The following ADAMTSL1 variants were observed in gnomAD, a reference collection of about 807,000 sequenced individuals.
The protein encoded by ADAMTSL1 is ADAMTS like 1, also known as ADAMTS-like protein 1.
In ADAMTSL1, 126 loss-of-function variants were observed where a neutral mutation model predicts 201.8. The ratio of observed to expected loss-of-function variants is 0.62; its 90% confidence interval spans 0.54 to 0.72. The LOEUF is 0.72. Among genes scored for constraint, ADAMTSL1 ranks in the 30% least tolerant of loss-of-function variants. The pLI, the probability that ADAMTSL1 is intolerant of heterozygous loss-of-function variation, is 0.00. For synonymous variants in ADAMTSL1, 1,121 were observed against 903.4 expected, an observed-to-expected ratio of 1.24 and a Z score of -4.32; for missense variants, 2,679 against 2,277.8, an observed-to-expected ratio of 1.18 and a Z score of -3.59.
chr9:18,582,466 G>T (rs574287123), intron 4 of ADAMTSL1, among the ~76,000 whole-genome samples: 1 of 152,300 alleles, frequency 6.6e-6, no homozygotes, highest in Non-Finnish European at 1.5e-5. Context: ...GAGGAACCCG[G>T]TGGGAGGCGA....
At chr9:18,543,072 A>G (rs1233979466) in intron 3 of ADAMTSL1, among the ~76,000 whole-genome samples, 1 of 152,204 alleles carries the variant, frequency 6.6e-6, no homozygotes, top group East Asian at 1.9e-4. Context: ...GGCAACTATC[A>G]TGGCTTGGCT....
At chr9:18,709,867 A>G (rs1460393320) in intron 14 of ADAMTSL1, among the ~76,000 whole-genome samples, 1 of 152,220 alleles carries the variant, frequency 6.6e-6, no homozygotes, top group Non-Finnish European at 1.5e-5. Context: ...ATGGAAGATG[A>G]AGCCTTGTAC....
chr9:18,102,376 G>C (rs142303726), intron 1 of ADAMTSL1, among the ~76,000 whole-genome samples: 404 of 152,180 alleles, frequency 2.7e-3, no homozygotes, highest in African/African-American at 9.4e-3. Context: ...CAATGCCTGA[G>C]AAACAGACAT....
At position 18,254,698 on chromosome 9, in the gene ADAMTSL1, A is replaced by C. The variant is rs1031463418; in HGVS notation, c.207+90717A>C. On this transcript the variant is annotated intron_variant, in intron 2 of 29. Coordinates refer to the ADAMTSL1 transcript ENST00000680146. ...CCCAGTACTCTTAAATACACTTTGCAGTAAGGAGAAAGTGTGGGAAGAAGA... is the reference window on the plus strand; with the variant it reads ...CCCAGTACTCTTAAATACACTTTGCCGTAAGGAGAAAGTGTGGGAAGAAGA... 8.8e-5 allele frequency among the ~76,000 whole-genome samples: 11 copies of C among 125,176 alleles called. No individual in the cohort carries two copies. In the East Asian group the frequency reaches 2.4e-3, roughly 28 times the overall value. 82.1% of individuals were successfully genotyped at this position (125,176 alleles called of 152,430 possible). A position where few individuals can be genotyped will look rare whatever the true frequency, so the allele number is the denominator to read the frequency against.
intron 23 of ADAMTSL1, among the ~76,000 whole-genome samples, chr9:18,842,901 A>C (rs1379885740): frequency 1.3e-5 from 2 of 151,922 alleles, no homozygotes; most frequent in Non-Finnish European, 2.9e-5. Context: ...ATCTTCCTCC[A>C]TCCTTTTATT....
chr9:18,880,822 T>C (rs1828480702), intron 23 of ADAMTSL1, among the ~76,000 whole-genome samples: 1 of 152,266 alleles, frequency 6.6e-6, no homozygotes, highest in African/African-American at 2.4e-5. Context: ...AGCTCCTAGA[T>C]AGCATCTTCT....
chr9:17,933,146 C>T (rs1249440386), intron 1 of ADAMTSL1, among the ~76,000 whole-genome samples: 1 of 152,160 alleles, frequency 6.6e-6, no homozygotes, highest in Non-Finnish European at 1.5e-5. Context: ...AAGGTTTCAG[C>T]AGATGCCATG....
chr9:18,278,721 G>A (rs2132617070), intron 2 of ADAMTSL1, among the ~76,000 whole-genome samples: 1 of 152,218 alleles, frequency 6.6e-6, no homozygotes, highest in Non-Finnish European at 1.5e-5. Context: ...GATATTTTCT[G>A]TCATTATTTC....
At chr9:18,710,690 T>TTTTTC (rs58475847) in intron 14 of ADAMTSL1, among the ~76,000 whole-genome samples, 1 of 144,140 alleles carries the variant, frequency 6.9e-6, no homozygotes, top group Non-Finnish European at 1.5e-5. Context: ...TTTTTTTTTT[T>TTTTTC]ACAAAATTGA....
At chr9:18,645,887 C>T (rs1233165411) in intron 7 of ADAMTSL1, among the ~76,000 whole-genome samples, 1 of 135,994 alleles carries the variant, frequency 7.4e-6, no homozygotes, top group Non-Finnish European at 1.6e-5. Context: ...TTTTTGGTTC[C>T]ATATGAACTT....
intron 2 of ADAMTSL1, among the ~76,000 whole-genome samples, chr9:18,268,517 GAC>G (rs1832228011): frequency 6.6e-6 from 1 of 152,144 alleles, no homozygotes; most frequent in Non-Finnish European, 1.5e-5. Flanking sequence ...TGAAAACTAT[GAC>G]ACATGTGTGA....
At chr9:18,685,804 A>G (rs903446279) in intron 13 of ADAMTSL1, among the ~76,000 whole-genome samples, 2 of 152,264 alleles carry the variant, frequency 1.3e-5, no homozygotes, top group Admixed American at 1.3e-4. Context: ...TGAGTGCACA[A>G]GAAATCCAAA....
At chr9:18,873,517 G>A (rs1827978530) in intron 23 of ADAMTSL1, among the ~76,000 whole-genome samples, 1 of 152,092 alleles carries the variant, frequency 6.6e-6, no homozygotes, top group Non-Finnish European at 1.5e-5. Flanking sequence ...TCCTACATGT[G>A]GCTTGCCAAT....
chr9:18,832,154 C>G (rs1825026943), intron 23 of ADAMTSL1, among the ~76,000 whole-genome samples: 1 of 152,202 alleles, frequency 6.6e-6, no homozygotes, highest in African/African-American at 2.4e-5. Context: ...CTTGTCCATT[C>G]AGATTTGGCT....
chr9:18,050,203 T>C lies in ADAMTSL1; in HGVS notation c.88-113659T>C, dbSNP rs137914794. On this transcript the variant is annotated intron_variant, in intron 1 of 29. Coordinates refer to the ADAMTSL1 transcript ENST00000680146. ...AATGTCCTGCTTAAACTATTCATGA[T>C]TAAAATAAAAATTTGGTATCTTAAG... Among the ~76,000 whole-genome samples, 70 of 152,318 alleles carry C rather than the reference T, an allele frequency of 4.6e-4. No homozygotes were observed. The East Asian group carries it at 0.011, about 23-fold the overall frequency.
At chr9:18,039,733 T>C (rs1236851920) in intron 1 of ADAMTSL1, among the ~76,000 whole-genome samples, 1 of 152,210 alleles carries the variant, frequency 6.6e-6, no homozygotes, top group African/African-American at 2.4e-5. Context: ...TCTTTCAGCC[T>C]GTTTCTCTTA....
At chr9:18,325,344 T>C (rs1245615571) in intron 2 of ADAMTSL1, among the ~76,000 whole-genome samples, 1 of 152,210 alleles carries the variant, frequency 6.6e-6, no homozygotes, top group African/African-American at 2.4e-5. Context: ...ACCCCAAAAG[T>C]CCATCAACAA....
Position 18,193,157 on chromosome 9 carries a change from AT to A in ADAMTSL1, c.207+29177del, listed in dbSNP as rs1829038662. On this transcript the variant is annotated intron_variant, in intron 2 of 29. Coordinates refer to the ADAMTSL1 transcript ENST00000680146. ...GGGTTTCCCATTCCTCTCAGAACTCATCCCCAGCAGATTCAAATAACTTTCA... is the reference window on the plus strand; with the variant it reads ...GGGTTTCCCATTCCTCTCAGAACTCACCCCAGCAGATTCAAATAACTTTCA... 2.0e-5 allele frequency among the ~76,000 whole-genome samples: 3 copies of A among 152,140 alleles called. No individual in the cohort carries two copies. In the South Asian group the frequency reaches 6.2e-4, roughly 31 times the overall value.
intron 1 of ADAMTSL1, among the ~76,000 whole-genome samples, chr9:17,960,683 T>C (rs1817713778): frequency 6.6e-6 from 1 of 152,208 alleles, no homozygotes; most frequent in Admixed American, 6.5e-5. Context: ...GCAAGAAAGA[T>C]GTTCTTTTCT....
Sources: gnomAD v4.1 joint callset for allele counts (sites outside exome capture counted in the v4.1 genomes callset) on GRCh38, gnomAD v4.1.1 for gene constraint, MANE v1.5 for transcripts, NCBI Gene and HGNC (gene_info 2026-07-23, HGNC 2026-07-21) for gene names.